Variants in KCNT2 observed in about 807,000 individuals in gnomAD.
KCNT2 encodes the protein potassium sodium-activated channel subfamily T member 2.
KCNT2 carries 67 observed loss-of-function variants against 153.8 expected under a neutral mutation model. The observed-to-expected ratio is 0.44, with a 90% CI of 0.36 to 0.53. The LOEUF is 0.53. KCNT2 is among the 20% of genes least tolerant of loss of function. KCNT2 has a pLI of 0.00. For synonymous variants in KCNT2, 500 were observed against 458.8 expected (o/e 1.09, Z -1.15); for missense variants, 975 against 1,354.8 (o/e 0.72, Z 4.40).
At chr1:196,272,717 T>C (rs1439179205) in intron 25 of KCNT2, among the ~76,000 whole-genome samples, 1 of 151,888 alleles carries the variant, frequency 6.6e-6, no homozygotes, top group Non-Finnish European at 1.5e-5. Flanking sequence ...TGTAAACATG[T>C]GGTTTATTTC....
At chr1:196,374,030 A>G (rs1668744909) in intron 13 of KCNT2, among the ~76,000 whole-genome samples, 2 of 151,946 alleles carry the variant, frequency 1.3e-5, no homozygotes, top group South Asian at 4.1e-4. Context: ...ATGAGGGCTC[A>G]GATGCCAGAT....
chr1:196,422,951 C>T (rs1572396791), intron 12 of KCNT2, 99 bp downstream of exon 12: 8 of 635,300 alleles, frequency 1.3e-5, no homozygotes, highest in Admixed American at 1.0e-4. Flanking sequence ...ACTTTAAGGT[C>T]ACCAATACTT....
chr1:196,252,118 T>G (rs1041719904), intron 26 of KCNT2, among the ~76,000 whole-genome samples: 8 of 151,792 alleles, frequency 5.3e-5, no homozygotes, highest in African/African-American at 9.7e-5. Context: ...TGTTTTATTA[T>G]CTCTTCCTTC....
intron 14 of KCNT2, among the ~76,000 whole-genome samples, chr1:196,362,289 T>G (rs1667699495): frequency 6.6e-6 from 1 of 152,122 alleles, no homozygotes; most frequent in Admixed American, 6.6e-5. Context: ...CCTCCTTCCT[T>G]GCTTTCCTCC....
At chr1:196,239,986 A>C (rs374730851) in intron 26 of KCNT2, among the ~76,000 whole-genome samples, 193 of 152,196 alleles carry the variant, frequency 1.3e-3, no homozygotes, top group African/African-American at 4.4e-3. Flanking sequence ...GAGAGGCCTC[A>C]GAAGAAATCA....
In KCNT2 at chr1:196,373,111, A is replaced by G. The variant is rs767995721; in HGVS notation, c.1403+29T>C. ...CTTATTGTTTTTTATATAATTTAAAAGGTTAACTTAAAGAAAAAATATACT... is the reference window on the plus strand; with the variant it reads ...CTTATTGTTTTTTATATAATTTAAAGGGTTAACTTAAAGAAAAAATATACT... On this transcript the variant is annotated intron_variant, in intron 14 of 27. Transcript: ENST00000294725. The G allele has an allele frequency of 4.9e-6, 5 of 1,027,292 alleles. No homozygotes were observed. In the Admixed American group the frequency reaches 7.7e-5, roughly 16 times the overall value. The allele number at this position is 1,027,292 out of a possible 1,614,324, so 63.6% of individuals were successfully genotyped here.
chr1:196,358,399 C>G (rs1004447691), intron 14 of KCNT2, among the ~76,000 whole-genome samples: 2 of 151,576 alleles, frequency 1.3e-5, no homozygotes, highest in South Asian at 4.2e-4. Flanking sequence ...CTTTTATCCC[C>G]TTAATACTGA....
At chr1:196,344,722 T>C (rs2148178997) in intron 14 of KCNT2, among the ~76,000 whole-genome samples, 1 of 152,294 alleles carries the variant, frequency 6.6e-6, no homozygotes, top group East Asian at 1.9e-4. Flanking sequence ...GGGAACACAA[T>C]GTGGTAACTT....
chr1:196,602,907 C>T (rs1664906864), intron 1 of KCNT2, among the ~76,000 whole-genome samples: 4 of 150,630 alleles, frequency 2.7e-5, no homozygotes, highest in Admixed American at 2.0e-4. Context: ...CTGCCTCAGC[C>T]TCCCGAGTAG....
At chr1:196,376,610 G>T (rs924676763) in intron 13 of KCNT2, among the ~76,000 whole-genome samples, 1 of 151,628 alleles carries the variant, frequency 6.6e-6, no homozygotes, top group Non-Finnish European at 1.5e-5. Flanking sequence ...TTTCTAATTG[G>T]TTTTCATGTT....
intron 21 of KCNT2, among the ~76,000 whole-genome samples, chr1:196,315,571 C>T (rs1444199057): frequency 1.3e-5 from 2 of 151,558 alleles, no homozygotes; most frequent in Non-Finnish European, 3.0e-5. Flanking sequence ...AGGCTTAATA[C>T]CAATACGAGA....
At chr1:196,437,044 T>C (rs1291599300) in intron 8 of KCNT2, among the ~76,000 whole-genome samples, 1 of 115,722 alleles carries the variant, frequency 8.6e-6, no homozygotes, top group East Asian at 2.3e-4. Flanking sequence ...ATATCATATA[T>C]AAATATATAT....
intron 3 of KCNT2, among the ~76,000 whole-genome samples, chr1:196,485,730 G>A (rs1205158647): frequency 6.6e-6 from 1 of 151,512 alleles, no homozygotes; most frequent in Non-Finnish European, 1.5e-5. Flanking sequence ...ACATTAAGTT[G>A]GATAAATACA....
chr1:196,481,720 A>AACAAG (rs1679036010), intron 4 of KCNT2, among the ~76,000 whole-genome samples: 1 of 152,198 alleles, frequency 6.6e-6, no homozygotes, highest in Non-Finnish European at 1.5e-5. Context: ...AACAAAACAA[A>AACAAG]ACAAAGAAGT....
At chr1:196,251,518 T>C (rs942681) in intron 26 of KCNT2, among the ~76,000 whole-genome samples, 149,605 of 152,134 alleles carry the variant, frequency 0.98, 73,612 homozygotes, top group Middle Eastern at 1. Context: ...AAAAACTTCA[T>C]ATATTCTCAT....
At chr1:196,412,639 A>AC (rs1443691007) in intron 12 of KCNT2, among the ~76,000 whole-genome samples, 1 of 151,280 alleles carries the variant, frequency 6.6e-6, no homozygotes, top group Non-Finnish European at 1.5e-5. Flanking sequence ...GCAGCCCCCT[A>AC]CCCCCCAGCA....
At chr1:196,397,556 A>G (rs1165309177) in intron 13 of KCNT2, among the ~76,000 whole-genome samples, 1 of 151,470 alleles carries the variant, frequency 6.6e-6, no homozygotes, top group Non-Finnish European at 1.5e-5. Flanking sequence ...CCAAAAACAT[A>G]CTAATGTGCA....
chr1:196,545,099 A>G (rs373816252), intron 1 of KCNT2, among the ~76,000 whole-genome samples: 1 of 152,046 alleles, frequency 6.6e-6, no homozygotes. Flanking sequence ...ATAATACTCA[A>G]TTTGATTCAA....
intron 8 of KCNT2, among the ~76,000 whole-genome samples, chr1:196,430,005 T>C (rs533248759): frequency 6.6e-6 from 1 of 152,214 alleles, no homozygotes; most frequent in East Asian, 1.9e-4. Flanking sequence ...TTGAGTAACA[T>C]GCAAAATGAA....
Sources: allele counts gnomAD v4.1 joint callset (sites outside exome capture counted in the v4.1 genomes callset), GRCh38; gene constraint gnomAD v4.1.1; transcripts MANE v1.5; gene names NCBI Gene and HGNC (gene_info 2026-07-23, HGNC 2026-07-21).